Variants in PHC3 observed in about 807,000 individuals in gnomAD.
PHC3 encodes polyhomeotic-like protein 3.
PHC3 carries 13 observed loss-of-function variants against 107.4 expected under a neutral mutation model. The observed-to-expected ratio is 0.12, with a 90% CI of 0.08 to 0.19. The LOEUF (loss-of-function observed/expected upper bound fraction) is 0.19, where lower values mean the gene tolerates loss of function less well. PHC3 is among the 10% of genes least tolerant of loss of function. The probability of loss-of-function intolerance (pLI) is 1.00; values close to 1 mark genes in which losing one functional copy is unlikely to be tolerated. For synonymous variants in PHC3, 456 were observed against 427.4 expected (o/e 1.07, Z -0.83); for missense variants, 992 against 1,210.9 (o/e 0.82, Z 2.68).
chr3:170,171,037 T>C (rs896641731), intron 4 of PHC3: 1 of 338,036 alleles, frequency 3.0e-6, no homozygotes, highest in African/African-American at 2.1e-5. Flanking sequence ...TGACATACTA[T>C]TGTATATCAC....
chr3:170,110,212 C>A (rs1237041460), intron 11 of PHC3, among the ~76,000 whole-genome samples: 1 of 152,082 alleles, frequency 6.6e-6, no homozygotes, highest in Non-Finnish European at 1.5e-5. Context: ...CAAAAACACT[C>A]TTTTATTCGT....
At chr3:170,128,600 G>C (rs1290580922) in intron 8 of PHC3, 84 bp downstream of exon 8, 2 of 1,458,374 alleles carry the variant, frequency 1.4e-6, no homozygotes, top group African/African-American at 1.4e-5. Context: ...CAGGCATTTA[G>C]ATCTTGCAAT....
intron 4 of PHC3, among the ~76,000 whole-genome samples, chr3:170,153,358 T>C (rs1263980454): frequency 1.3e-5 from 2 of 152,220 alleles, no homozygotes; most frequent in African/African-American, 4.8e-5. Context: ...GCCCATGTCA[T>C]TTCTGGCTTG....
chr3:170,100,263 G>C (rs1715258389), intron 14 of PHC3, among the ~76,000 whole-genome samples: 1 of 152,028 alleles, frequency 6.6e-6, no homozygotes, highest in South Asian at 2.1e-4. Context: ...GAAAAGCTTG[G>C]GAGTAGACTA....
chr3:170,140,940 CT>C (rs1723997454), intron 6 of PHC3, among the ~76,000 whole-genome samples: 1 of 151,980 alleles, frequency 6.6e-6, no homozygotes, highest in African/African-American at 2.4e-5. Flanking sequence ...TTCCAAAAAT[CT>C]TTTTTTATGT....
intron 10 of PHC3, among the ~76,000 whole-genome samples, chr3:170,115,875 T>TCA (rs1238887514): frequency 1.1e-5 from 1 of 88,556 alleles, no homozygotes; most frequent in African/African-American, 4.7e-5. Flanking sequence ...AATCCAAGTT[T>TCA]CTCACACACA....
intron 4 of PHC3, among the ~76,000 whole-genome samples, chr3:170,155,853 C>T (rs780253632): frequency 6.6e-6 from 1 of 152,022 alleles, no homozygotes; most frequent in Non-Finnish European, 1.5e-5. Flanking sequence ...AGAACAGTCA[C>T]CAAAATGTTA....
chr3:170,121,728 A>G (rs1190780477), intron 9 of PHC3, among the ~76,000 whole-genome samples: 5 of 152,210 alleles, frequency 3.3e-5, no homozygotes, highest in Non-Finnish European at 7.3e-5. Context: ...ATTGTGAGGA[A>G]TATCATATAT....
chr3:170,156,286 T>C (rs771974348), intron 4 of PHC3, among the ~76,000 whole-genome samples: 4 of 151,792 alleles, frequency 2.6e-5, no homozygotes, highest in African/African-American at 9.7e-5. Flanking sequence ...AGACAGAGTC[T>C]CACTCTGCTG....
At chr3:170,115,651 G>A (rs1460669963) in intron 10 of PHC3, among the ~76,000 whole-genome samples, 1 of 152,086 alleles carries the variant, frequency 6.6e-6, no homozygotes, top group East Asian at 1.9e-4. Context: ...GATAATAATG[G>A]CTATGGCCAT....
rs1039370600 is a variant in PHC3 at position 170,093,909 on chromosome 3, A to C, written c.*3321T>G. On this transcript the variant is annotated 3_prime_UTR_variant, in exon 15 of 15. Coordinates refer to ENST00000495893, the MANE Select transcript of PHC3 (RefSeq NM_024947.4). ...GAAAGAAAATTATTTCTTCTAAGTAAAACATGAATTTCACTTCAAAAGTGC... is the reference window on the plus strand; with the variant it reads ...GAAAGAAAATTATTTCTTCTAAGTACAACATGAATTTCACTTCAAAAGTGC... 1 of 152,198 alleles carries C rather than the reference A, an allele frequency of 6.6e-6. No individual in the cohort carries two copies. Among genetic ancestry groups the C allele is most frequent in the Admixed American group, 6.5e-5 (1 of 15,276 alleles). The allele number at this position is 152,198 out of a possible 1,614,324, so 9.4% of individuals were successfully genotyped here. A position where few individuals can be genotyped will look rare whatever the true frequency, so the allele number is the denominator to read the frequency against.
chr3:170,148,432 A>G (rs1239542931), intron 5 of PHC3: 1 of 152,242 alleles, frequency 6.6e-6, no homozygotes, highest in Non-Finnish European at 1.5e-5. Context: ...CAATTTCTAT[A>G]TTCCTTAAAG....
At chr3:170,130,383 CTGAGA>C (rs1327362261) in intron 7 of PHC3, among the ~76,000 whole-genome samples, 1 of 151,978 alleles carries the variant, frequency 6.6e-6, no homozygotes, top group Non-Finnish European at 1.5e-5. Context: ...CATTTTTGAG[CTGAGA>C]TGAGGGTATA....
chr3:170,120,094 G>GT (rs1377555007), intron 9 of PHC3, among the ~76,000 whole-genome samples: 8 of 152,186 alleles, frequency 5.3e-5, no homozygotes, highest in Non-Finnish European at 1.0e-4. Context: ...CAACTAAAAT[G>GT]TAAGTTTACT....
At chr3:170,170,017 G>A (rs1009678427) in intron 4 of PHC3, 18 of 150,260 alleles carry the variant, frequency 1.2e-4, no homozygotes, top group African/African-American at 3.9e-4. Context: ...AACTAATCTT[G>A]TTCACACTCC....
chr3:170,126,920 G>GT (rs200960962), intron 8 of PHC3, among the ~76,000 whole-genome samples: 38 of 149,434 alleles, frequency 2.5e-4, no homozygotes, highest in African/African-American at 4.2e-4. Flanking sequence ...CTATAAAGAA[G>GT]TTTTTTTTTG....
intron 4 of PHC3, among the ~76,000 whole-genome samples, chr3:170,158,927 G>GAA (rs145178751): frequency 2.2e-4 from 26 of 120,316 alleles, no homozygotes; most frequent in East Asian, 2.2e-3. Flanking sequence ...AACCTGTCTT[G>GAA]AAAAAAAAAA....
rs1714090040 is a variant in PHC3 at position 170,091,579 on chromosome 3, ATG to A, written c.*5649_*5650del. 1 of 152,204 alleles carries A rather than the reference ATG, an allele frequency of 6.6e-6. No homozygotes were observed. The highest frequency in any genetic ancestry group is 2.1e-4 in the South Asian group (1 of 4,834). 9.4% of individuals were successfully genotyped at this position (152,204 alleles called of 1,614,324 possible). Reference sequence around the variant, plus strand: ...AAAACATCTGGAAAACATTTCCCAAATGTTCCCATAAACATGACACTTGGAAG... The same window carrying A: ...AAAACATCTGGAAAACATTTCCCAAATTCCCATAAACATGACACTTGGAAG... On this transcript the variant is annotated 3_prime_UTR_variant, in exon 15 of 15. Coordinates refer to ENST00000495893, the MANE Select transcript of PHC3 (RefSeq NM_024947.4).
chr3:170,100,514 G>C (rs1050805579), intron 14 of PHC3, among the ~76,000 whole-genome samples: 3 of 152,130 alleles, frequency 2.0e-5, no homozygotes, highest in Admixed American at 6.6e-5. Context: ...GTAAAGAAGA[G>C]AGTCATATTA....
Sources: gnomAD v4.1 joint callset for allele counts (sites outside exome capture counted in the v4.1 genomes callset) on GRCh38, gnomAD v4.1.1 for gene constraint, MANE v1.5 for transcripts, NCBI Gene and HGNC (gene_info 2026-07-23, HGNC 2026-07-21) for gene names.